The following REDIC1 variants were observed in gnomAD, a reference collection of about 807,000 sequenced individuals.
REDIC1 encodes regulator of DNA class I crossover intermediates 1.
the REDIC1 span, among the ~76,000 whole-genome samples, chr12:39,650,838 A>T: frequency 1.3e-5 from 2 of 152,184 alleles, no homozygotes; most frequent in Admixed American, 1.3e-4. This position sits in a 1 kb window ranked among gnomAD's most constrained non-coding sequence, Gnocchi z 4.3. Flanking sequence ...AGCCTCCCAG[A>T]GTCATTTATT....
chr12:39,864,777 G>A, the REDIC1 span: 1 of 1,614,038 alleles, frequency 6.2e-7, no homozygotes. Flanking sequence ...TCTTGTGCAA[G>A]TGGCGTTCTG....
chr12:39,716,100 A>G, the REDIC1 span, among the ~76,000 whole-genome samples: 2 of 151,888 alleles, frequency 1.3e-5, no homozygotes, highest in Non-Finnish European at 2.9e-5. Flanking sequence ...GTGATCTGGT[A>G]TGTGTTGTTT....
At chr12:39,674,433 G>A in the REDIC1 span, among the ~76,000 whole-genome samples, 1 of 152,148 alleles carries the variant, frequency 6.6e-6, no homozygotes, top group Non-Finnish European at 1.5e-5. Flanking sequence ...AGAACAGCAG[G>A]TAGAGACTCA....
chr12:39,821,679 G>A, the REDIC1 span, among the ~76,000 whole-genome samples: 1 of 152,180 alleles, frequency 6.6e-6, no homozygotes, highest in Non-Finnish European at 1.5e-5. Flanking sequence ...AGGGAAAAGA[G>A]GACGTGGCAA....
At chr12:39,641,075 C>T in the REDIC1 span, 44 of 1,123,020 alleles carry the variant, frequency 3.9e-5, no homozygotes, top group Non-Finnish European at 5.3e-5. Flanking sequence ...AATACATTCA[C>T]CTAAGTGAAA....
chr12:39,767,649 C>G, the REDIC1 span, among the ~76,000 whole-genome samples: 1 of 151,988 alleles, frequency 6.6e-6, no homozygotes, highest in Non-Finnish European at 1.5e-5. Context: ...GTATAGCCAC[C>G]TGATATGGTT....
the REDIC1 span, among the ~76,000 whole-genome samples, chr12:39,714,225 A>T: frequency 2.5e-5 from 3 of 120,706 alleles, no homozygotes; most frequent in East Asian, 6.8e-4. Context: ...ACGTATATGC[A>T]TGCATATATG....
chr12:39,644,036 G>T, the REDIC1 span: 3 of 825,310 alleles, frequency 3.6e-6, no homozygotes, highest in Non-Finnish European at 5.5e-6. Context: ...TTAAAATTTG[G>T]TTGCTCTCTT....
the REDIC1 span, among the ~76,000 whole-genome samples, chr12:39,885,902 A>C: frequency 3.9e-5 from 6 of 152,162 alleles, no homozygotes; most frequent in Non-Finnish European, 7.3e-5. Flanking sequence ...TGGTTCAACA[A>C]CACTTTAAAA....
At chr12:39,733,071 A>ACG in the REDIC1 span, among the ~76,000 whole-genome samples, 1 of 149,348 alleles carries the variant, frequency 6.7e-6, no homozygotes, top group Admixed American at 6.7e-5. Context: ...AGAAAAATGC[A>ACG]CACACACACA....
chr12:39,750,091 T>G, the REDIC1 span, among the ~76,000 whole-genome samples: 1 of 152,080 alleles, frequency 6.6e-6, no homozygotes, highest in Non-Finnish European at 1.5e-5. Flanking sequence ...GAGAAAGAAA[T>G]AAAGTGTATT....
chr12:39,889,605 A>T, the REDIC1 span, among the ~76,000 whole-genome samples: 2 of 138,802 alleles, frequency 1.4e-5, no homozygotes, highest in Non-Finnish European at 3.0e-5. Context: ...CCATCTTGGC[A>T]CACCACAACC....
At chr12:39,702,876 A>G in the REDIC1 span, among the ~76,000 whole-genome samples, 2 of 152,236 alleles carry the variant, frequency 1.3e-5, no homozygotes, top group Non-Finnish European at 2.9e-5. Flanking sequence ...CTTTGACACA[A>G]TTCAACAACC....
the REDIC1 span, among the ~76,000 whole-genome samples, chr12:39,887,732 A>G: frequency 6.4e-3 from 977 of 152,334 alleles, 5 homozygotes; most frequent in Admixed American, 0.017. Flanking sequence ...TAATTTGTCC[A>G]AATCCTTTAA....
At chr12:39,695,094 A>T in the REDIC1 span, among the ~76,000 whole-genome samples, 1 of 152,140 alleles carries the variant, frequency 6.6e-6, no homozygotes, top group Non-Finnish European at 1.5e-5. Context: ...AATAACCATC[A>T]GTGATGCCCA....
chr12:39,710,417 T>C, the REDIC1 span, among the ~76,000 whole-genome samples: 1 of 151,836 alleles, frequency 6.6e-6, no homozygotes, highest in Non-Finnish European at 1.5e-5. Context: ...CACAGCTTTA[T>C]TGCAGATCAT....
chr12:39,814,986 TTTC>T, the REDIC1 span, among the ~76,000 whole-genome samples: 1 of 152,224 alleles, frequency 6.6e-6, no homozygotes, highest in African/African-American at 2.4e-5. Context: ...ACTTTTTTTT[TTTC>T]ATTTGACTTT....
the REDIC1 span, among the ~76,000 whole-genome samples, chr12:39,653,573 T>TC: frequency 7.9e-3 from 494 of 62,650 alleles, 62 homozygotes; most frequent in African/African-American, 0.012. Context: ...TCTTCTTCTT[T>TC]TTCTTCCTCT....
chr12:39,866,076 G>A, the REDIC1 span, among the ~76,000 whole-genome samples: 1 of 152,208 alleles, frequency 6.6e-6, no homozygotes, highest in Non-Finnish European at 1.5e-5. Context: ...TTATTTGAAT[G>A]AGACAAAATA....
Sources: allele counts gnomAD v4.1 joint callset (sites outside exome capture counted in the v4.1 genomes callset), GRCh38; gene constraint gnomAD v4.1.1; non-coding constraint Gnocchi (gnomAD v3.1); transcripts MANE v1.5; gene names NCBI Gene and HGNC (gene_info 2026-07-23, HGNC 2026-07-21).